CYP20A1: variants seen among roughly 807,000 people sequenced by gnomAD.
The protein encoded by CYP20A1 is cytochrome P450 20A1.
A neutral mutation model predicts 61.4 loss-of-function variants in CYP20A1; 61 were observed. The observed-to-expected ratio is 0.99, with a 90% CI of 0.81 to 1.23. CYP20A1 has a LOEUF of 1.23. Among genes scored for constraint, CYP20A1 ranks in the 50% most tolerant of loss-of-function variants. CYP20A1 has a pLI of 0.00. For synonymous variants in CYP20A1, 193 were observed against 188.2 expected, an observed-to-expected ratio of 1.03 and a Z score of -0.21; for missense variants, 530 against 542.4, an observed-to-expected ratio of 0.98 and a Z score of 0.23.
At chr2:203,293,950 G>T (rs936132629) in intron 11 of CYP20A1, among the ~76,000 whole-genome samples, 4 of 151,668 alleles carry the variant, frequency 2.6e-5, no homozygotes, top group South Asian at 2.1e-4. Context: ...TGTTTCTTAG[G>T]CCCTTCATTT....
intron 10 of CYP20A1, among the ~76,000 whole-genome samples, chr2:203,291,664 G>A (rs1297198038): frequency 6.7e-6 from 1 of 150,130 alleles, no homozygotes; most frequent in African/African-American, 2.4e-5. Flanking sequence ...TTTTGTTATT[G>A]TTTTTTAACT....
At chr2:203,267,089 G>T (rs1313247595) in intron 5 of CYP20A1, among the ~76,000 whole-genome samples, 1 of 151,930 alleles carries the variant, frequency 6.6e-6, no homozygotes, top group Non-Finnish European at 1.5e-5. Context: ...TTGAACCCAG[G>T]AGTTCAAGGC....
In CYP20A1 at chr2:203,299,757, C is replaced by T. The variant is rs991241376; in HGVS notation, c.*2849C>T. ...GGCTTGGTGGTGCATGCCTGTAATA[C>T]CAGCTACTCGGGAGGCTGAAGCAGG... On this transcript the variant is annotated 3_prime_UTR_variant, in exon 13 of 13. Transcript: ENST00000356079. Among the ~76,000 whole-genome samples the T allele has an allele frequency of 6.6e-6, 1 of 151,970 alleles. No individual in the cohort carries two copies. The highest frequency in any genetic ancestry group is 1.5e-5 in the Non-Finnish European group (1 of 68,006).
chr2:203,268,107 C>A (rs1559096006), intron 5 of CYP20A1, among the ~76,000 whole-genome samples: 1 of 152,078 alleles, frequency 6.6e-6, no homozygotes, highest in Non-Finnish European at 1.5e-5. Context: ...TTTATCTATC[C>A]ATCTATCTAT....
At chr2:203,241,227 G>T (rs2105886176) in intron 1 of CYP20A1, among the ~76,000 whole-genome samples, 1 of 152,296 alleles carries the variant, frequency 6.6e-6, no homozygotes, top group South Asian at 2.1e-4. Flanking sequence ...TTTTGTTTTG[G>T]TGGGAGGTAG....
chr2:203,269,279 A>ATT lies in CYP20A1; in HGVS notation c.600+2619_600+2620dup, dbSNP rs528970568. 3.3e-3 allele frequency among the ~76,000 whole-genome samples: 411 copies of ATT among 125,266 alleles called. 5 individuals are homozygous for ATT. The highest frequency in any genetic ancestry group is 0.013 in the Admixed American group (146 of 11,434). 82.2% of individuals were successfully genotyped at this position (125,266 alleles called of 152,430 possible). On this transcript the variant is annotated intron_variant, in intron 5 of 12. Transcript: ENST00000356079. Reference sequence around the variant, plus strand: ...CAACACAGTGAGACCCCTGTCTCCAATTTTTTTTTTTTTTTTTTTTTTAAT... The same window carrying ATT: ...CAACACAGTGAGACCCCTGTCTCCAATTTTTTTTTTTTTTTTTTTTTTTTAAT...
chr2:203,239,586 C>T (rs1320020074), intron 1 of CYP20A1, among the ~76,000 whole-genome samples: 2 of 152,224 alleles, frequency 1.3e-5, no homozygotes, highest in Non-Finnish European at 2.9e-5. Context: ...CTTGTGTATT[C>T]CTCTTTTCCA....
intron 6 of CYP20A1, among the ~76,000 whole-genome samples, chr2:203,273,535 C>T (rs1483298855): frequency 6.6e-6 from 1 of 152,186 alleles, no homozygotes; most frequent in Non-Finnish European, 1.5e-5. Flanking sequence ...CATGGCAGCA[C>T]ATGCCTGTAG....
At chr2:203,287,328 A>G (rs1253881552) in intron 9 of CYP20A1, among the ~76,000 whole-genome samples, 2 of 152,074 alleles carry the variant, frequency 1.3e-5, no homozygotes, top group Non-Finnish European at 2.9e-5. Flanking sequence ...TTTTAAAAGT[A>G]ATACTAGTTG....
At chr2:203,253,006 C>T (rs952975447) in intron 4 of CYP20A1, among the ~76,000 whole-genome samples, 5 of 152,122 alleles carry the variant, frequency 3.3e-5, no homozygotes, top group Admixed American at 3.3e-4. Context: ...TGGCGAGCCA[C>T]TCTTGCCACC....
chr2:203,258,049 G>A (rs986275340), intron 4 of CYP20A1, among the ~76,000 whole-genome samples: 5 of 51,298 alleles, frequency 9.7e-5, no homozygotes, highest in Non-Finnish European at 2.9e-4. Context: ...CCACAGGCAC[G>A]TGCCACCCTG....
In CYP20A1 at chr2:203,304,654, A is replaced by C. The variant is rs972760070; in HGVS notation, c.*7746A>C. On this transcript the variant is annotated 3_prime_UTR_variant, in exon 13 of 13. Coordinates refer to ENST00000356079, the MANE Select transcript of CYP20A1 (RefSeq NM_177538.3). ...ACTTAATAAATTTTAAACATTTTCC[A>C]GCTGGGTGTGGTGGCTCATGCCTGT... Among the ~76,000 whole-genome samples the C allele has an allele frequency of 6.6e-6, 1 of 152,070 alleles. No individual in the cohort carries two copies. The highest frequency in any genetic ancestry group is 2.4e-5 in the African/African-American group (1 of 41,426).
chr2:203,257,498 A>C (rs935131496), intron 4 of CYP20A1, among the ~76,000 whole-genome samples: 1 of 150,314 alleles, frequency 6.7e-6, no homozygotes, highest in African/African-American at 2.4e-5. Context: ...CCATTAAAAA[A>C]TTTTTTTTTT....
intron 3 of CYP20A1, among the ~76,000 whole-genome samples, chr2:203,251,195 G>T (rs2105909997): frequency 6.7e-6 from 1 of 148,266 alleles, no homozygotes; most frequent in South Asian, 2.2e-4. Context: ...GTGTATCTTT[G>T]TATGCGTGTG....
At position 203,302,458 on chromosome 2, in the gene CYP20A1, C is replaced by T. The variant is rs2069058578; in HGVS notation, c.*5550C>T. ...CTGAGGCGAGAGGATGGCTTGAGCT[C>T]AGGAAGTCAAGGCTACAGTGAGCTG... On this transcript the variant is annotated 3_prime_UTR_variant, in exon 13 of 13. Transcript: ENST00000356079. Among the ~76,000 whole-genome samples the T allele has an allele frequency of 6.6e-6, 1 of 152,174 alleles. No homozygotes were observed. The highest frequency in any genetic ancestry group is 2.4e-5 in the African/African-American group (1 of 41,450).
At chr2:203,272,947 A>G (rs2067666873) in intron 6 of CYP20A1, among the ~76,000 whole-genome samples, 199 bp downstream of exon 6, 1 of 151,872 alleles carries the variant, frequency 6.6e-6, no homozygotes, top group Admixed American at 6.6e-5. Context: ...CCCAGGTTCA[A>G]GCAATTCTCC....
At position 203,304,304 on chromosome 2, in the gene CYP20A1, T is replaced by C. The variant is rs2069140188; in HGVS notation, c.*7396T>C. ...CCTCCATCTCCCCAGTTCAAGCGAT[T>C]CTCCTGCCTCAGCCTCCCGAGTAGC... On this transcript the variant is annotated 3_prime_UTR_variant, in exon 13 of 13. Coordinates refer to ENST00000356079, the MANE Select transcript of CYP20A1 (RefSeq NM_177538.3). 1.3e-5 allele frequency among the ~76,000 whole-genome samples: 2 copies of C among 152,024 alleles called. No individual in the cohort carries two copies. The highest frequency in any genetic ancestry group is 4.2e-4 in the South Asian group (2 of 4,770).
chr2:203,239,428 C>T (rs1165774860), intron 1 of CYP20A1, among the ~76,000 whole-genome samples: 1 of 152,220 alleles, frequency 6.6e-6, no homozygotes, highest in African/African-American at 2.4e-5. Context: ...TTGCCAGGCA[C>T]CCCGCGCCAC....
chr2:203,254,746 T>G (rs1382975588), intron 4 of CYP20A1, among the ~76,000 whole-genome samples: 2 of 152,124 alleles, frequency 1.3e-5, no homozygotes, highest in Admixed American at 6.5e-5. Context: ...CTCAGCACTT[T>G]GAGAGGCTGA....
Sources: gnomAD v4.1 joint callset for allele counts (sites outside exome capture counted in the v4.1 genomes callset) on GRCh38, gnomAD v4.1.1 for gene constraint, MANE v1.5 for transcripts, NCBI Gene and HGNC (gene_info 2026-07-23, HGNC 2026-07-21) for gene names.